The following ACYP2 variants were observed in gnomAD, a reference collection of about 807,000 sequenced individuals.
The protein encoded by ACYP2 is acylphosphatase-2.
In ACYP2, 12 loss-of-function variants were observed where a neutral mutation model predicts 11.2. The observed-to-expected ratio is 1.08, with a 90% CI of 0.69 to 1.74. The LOEUF (loss-of-function observed/expected upper bound fraction) is 1.74. Among genes scored for constraint, ACYP2 ranks in the 40% most tolerant of loss-of-function variants. ACYP2 has a pLI of 0.00. For synonymous variants in ACYP2, 43 were observed against 32.2 expected, an observed-to-expected ratio of 1.33 and a Z score of -1.13; for missense variants, 134 against 101.9, an observed-to-expected ratio of 1.31 and a Z score of -1.35.
intron 6 of ACYP2, among the ~76,000 whole-genome samples, chr2:54,248,946 G>A (rs1192742994): frequency 6.6e-6 from 1 of 152,128 alleles, no homozygotes. Flanking sequence ...ATGAATCCAA[G>A]GTTAAGGAAC....
intron 6 of ACYP2, among the ~76,000 whole-genome samples, chr2:54,201,738 C>G (rs1295177331): frequency 1.3e-5 from 2 of 149,842 alleles, no homozygotes; most frequent in African/African-American, 4.9e-5. Flanking sequence ...TTGAGACAGT[C>G]TTACTCTGTC....
chr2:54,246,375 T>C (rs1385616030), intron 6 of ACYP2, among the ~76,000 whole-genome samples: 1 of 152,180 alleles, frequency 6.6e-6, no homozygotes, highest in African/African-American at 2.4e-5. Context: ...TCTAACTAAC[T>C]TGGTATGTCT....
intron 6 of ACYP2, among the ~76,000 whole-genome samples, chr2:54,280,470 A>G (rs1688802110): frequency 6.6e-6 from 1 of 152,196 alleles, no homozygotes; most frequent in African/African-American, 2.4e-5. Flanking sequence ...ACATGGGTTC[A>G]GATGAAGTCA....
At chr2:54,072,670 C>A (rs1331377243) in intron 4 of ACYP2, among the ~76,000 whole-genome samples, 2 of 151,018 alleles carry the variant, frequency 1.3e-5, no homozygotes, top group Non-Finnish European at 2.9e-5. Context: ...TTAAGCAATT[C>A]TTGTGCCTCA....
intron 6 of ACYP2, among the ~76,000 whole-genome samples, chr2:54,266,691 C>T (rs374355003): frequency 6.8e-5 from 10 of 146,678 alleles, no homozygotes; most frequent in South Asian, 4.4e-4. Context: ...CTGCAAGCTC[C>T]GCCGTCCGGG....
intron 6 of ACYP2, chr2:54,255,143 G>T: frequency 6.2e-7 from 1 of 1,614,144 alleles, no homozygotes; most frequent in Non-Finnish European, 8.5e-7. Context: ...ATGAAGGACT[G>T]GGGTCCATGG....
chr2:53,980,783 A>T (rs1167717536), intron 2 of ACYP2, among the ~76,000 whole-genome samples: 2 of 150,240 alleles, frequency 1.3e-5, no homozygotes, highest in African/African-American at 2.5e-5. Context: ...ATAGGCTTTC[A>T]CTCTGTTGCC....
chr2:54,102,511 G>C (rs1426687782), intron 4 of ACYP2, among the ~76,000 whole-genome samples: 3 of 151,800 alleles, frequency 2.0e-5, no homozygotes, highest in Non-Finnish European at 2.9e-5. Context: ...AGGAGGTCTA[G>C]GCTTATATCA....
intron 6 of ACYP2, among the ~76,000 whole-genome samples, chr2:54,289,287 C>A (rs1174499423): frequency 6.6e-6 from 1 of 151,826 alleles, no homozygotes; most frequent in Non-Finnish European, 1.5e-5. Context: ...CTCTTATTTG[C>A]CAAAAATTCA....
At position 54,029,988 on chromosome 2, in the gene ACYP2, G is replaced by C. The variant is rs551813704; in HGVS notation, c.63-20970G>C. 1.6e-5 allele frequency: 4 copies of C among 244,916 alleles called. No individual in the cohort carries two copies. The East Asian group carries it at 4.0e-4, about 25-fold the overall frequency. 15.2% of individuals were successfully genotyped at this position (244,916 alleles called of 1,614,324 possible). A position where few individuals can be genotyped will look rare whatever the true frequency, so the allele number is the denominator to read the frequency against. On this transcript the variant is annotated intron_variant, in intron 2 of 6. Transcript: ENST00000607452. The stretch of plus-strand genomic sequence containing the variant: ...AACCAGATACAGGGAGAAGGCCCGA[G>C]ATAATTCCACCAGACCAATTCAAAG...
At chr2:54,036,197 C>G (rs186432879) in intron 2 of ACYP2, among the ~76,000 whole-genome samples, 1 of 152,136 alleles carries the variant, frequency 6.6e-6, no homozygotes, top group Non-Finnish European at 1.5e-5. Context: ...CGGGTTCAAG[C>G]GATTCTCCTG....
chr2:54,185,023 T>C (rs575075008), intron 6 of ACYP2, among the ~76,000 whole-genome samples: 1 of 152,200 alleles, frequency 6.6e-6, no homozygotes, highest in African/African-American at 2.4e-5. Context: ...TTTTTTGTAT[T>C]TTTAGTAGAG....
intron 6 of ACYP2, among the ~76,000 whole-genome samples, chr2:54,199,633 G>T (rs1684670304): frequency 1.3e-5 from 2 of 152,348 alleles, no homozygotes; most frequent in South Asian, 4.1e-4. Context: ...GGACAGAAGA[G>T]AAATCGAGGA....
intron 6 of ACYP2, among the ~76,000 whole-genome samples, chr2:54,248,257 G>A (rs1318450377): frequency 1.3e-5 from 2 of 152,134 alleles, no homozygotes; most frequent in African/African-American, 2.4e-5. Context: ...ATCTAGAACC[G>A]CAAGGCTGAA....
At chr2:54,094,966 G>A (rs953771133) in intron 4 of ACYP2, among the ~76,000 whole-genome samples, 1 of 151,456 alleles carries the variant, frequency 6.6e-6, no homozygotes, top group South Asian at 2.1e-4. Context: ...GGACAATAGT[G>A]GAGGGAAGGT....
chr2:54,067,332 T>G (rs1339357382), intron 4 of ACYP2, among the ~76,000 whole-genome samples: 1 of 152,182 alleles, frequency 6.6e-6, no homozygotes, highest in African/African-American at 2.4e-5. Flanking sequence ...TTGTATAAAA[T>G]TTACAGAAGA....
chr2:54,107,181 A>G (rs1453698646), intron 4 of ACYP2, among the ~76,000 whole-genome samples: 6 of 152,172 alleles, frequency 3.9e-5, no homozygotes, highest in African/African-American at 9.7e-5. Flanking sequence ...AGCGCTAGAC[A>G]TGTTCTTTTT....
chr2:54,304,537 A>G (rs1306921744), intron 6 of ACYP2, 151 bp from the exon 4 acceptor site: 1 of 566,840 alleles, frequency 1.8e-6, no homozygotes, highest in Non-Finnish European at 3.1e-6. Context: ...TCTTAGAGTG[A>G]TATATACAAT....
chr2:54,287,489 C>G lies in ACYP2; in HGVS notation c.405-17199C>G, dbSNP rs562575700. ...CTTGAACATGGGCCAGCCTTAGTGA[C>G]TGACTTCAAACTCATAGAATGTGTT... On this transcript the variant is annotated intron_variant, in intron 6 of 6. Transcript: ENST00000607452. 3.9e-5 allele frequency among the ~76,000 whole-genome samples: 6 copies of G among 152,096 alleles called. No homozygotes were observed. The East Asian group carries it at 1.2e-3, about 29-fold the overall frequency.
Sources: allele counts gnomAD v4.1 joint callset (sites outside exome capture counted in the v4.1 genomes callset), GRCh38; gene constraint gnomAD v4.1.1; transcripts MANE v1.5; gene names NCBI Gene and HGNC (gene_info 2026-07-23, HGNC 2026-07-21).